SIM1: variants seen among roughly 807,000 people sequenced by gnomAD.
The protein encoded by SIM1 is single-minded homolog 1.
SIM1 carries 18 observed loss-of-function variants against 78.2 expected under a neutral mutation model. That is an observed-to-expected ratio of 0.23 (90% confidence interval 0.16 to 0.34). The LOEUF is 0.34. Ranked by LOEUF, SIM1 falls within the 10% of genes least tolerant of loss-of-function variation. The probability of loss-of-function intolerance (pLI) is 1.00; values close to 1 mark genes in which losing one functional copy is unlikely to be tolerated. For missense variants in SIM1, 939 were observed against 975.1 expected, an observed-to-expected ratio of 0.96 and a Z score of 0.49; for synonymous variants, 417 against 385.2, an observed-to-expected ratio of 1.08 and a Z score of -0.97.
intron 9 of SIM1, among the ~76,000 whole-genome samples, chr6:100,445,594 G>A (rs1772332076): frequency 6.6e-6 from 1 of 152,148 alleles, no homozygotes; most frequent in South Asian, 2.1e-4. Flanking sequence ...ATTTCAAAAT[G>A]ACTCCAAACA....
chr6:100,408,018 T>C (rs950389569), intron 10 of SIM1, among the ~76,000 whole-genome samples: 2 of 152,106 alleles, frequency 1.3e-5, no homozygotes, highest in African/African-American at 4.8e-5. Flanking sequence ...GCTTTTGTTG[T>C]CAGTGCTTTT....
chr6:100,401,453 T>C (rs2114475061), intron 10 of SIM1, among the ~76,000 whole-genome samples: 1 of 152,236 alleles, frequency 6.6e-6, no homozygotes, highest in Non-Finnish European at 1.5e-5. Flanking sequence ...AATATTCTGA[T>C]ATTGATAATT....
intron 10 of SIM1, among the ~76,000 whole-genome samples, chr6:100,405,964 C>T (rs1004130727): frequency 6.6e-6 from 1 of 152,152 alleles, no homozygotes. Context: ...CAATCCATCC[C>T]TTTTGTAAAT....
chr6:100,462,971 G>A (rs1260581182), intron 2 of SIM1: 1 of 235,768 alleles, frequency 4.2e-6, no homozygotes, highest in African/African-American at 2.2e-5. Flanking sequence ...GAGTAAAAAA[G>A]AAAGTCATGT....
Position 100,393,578 on chromosome 6 carries a change from G to A in SIM1, c.1479C>T (p.Arg493=), listed in dbSNP as rs928670652. The part of the protein sequence containing the change: ...QAGREPWWGS[R]AALPLTKASP... ...AGGCCTTTGTCAGGGGCAAGGCTGC[G>A]CGAGAGCCCCACCAGGGCTCCCTCC... The change falls in exon 11 of 12, where the codon CGC becomes CGT. Residue 493 remains arginine, a synonymous_variant. Transcript: ENST00000369208. The A allele has an allele frequency of 1.9e-6, 3 of 1,613,496 alleles. No homozygotes were observed. The highest frequency in any genetic ancestry group is 2.2e-5 in the East Asian group (1 of 44,856).
chr6:100,458,746 G>C (rs184067482), intron 2 of SIM1, among the ~76,000 whole-genome samples: 4 of 152,086 alleles, frequency 2.6e-5, no homozygotes, highest in East Asian at 3.9e-4. Context: ...GTCCCCTGTC[G>C]GCCCTGCGCC....
At chr6:100,453,272 C>T (rs1582321998) in intron 3 of SIM1, among the ~76,000 whole-genome samples, 1 of 152,178 alleles carries the variant, frequency 6.6e-6, no homozygotes, top group South Asian at 2.1e-4. Context: ...GAAGAGGGAG[C>T]CTGGGCACTA....
chr6:100,412,044 C>A (rs538873005), intron 10 of SIM1, among the ~76,000 whole-genome samples: 1 of 152,140 alleles, frequency 6.6e-6, no homozygotes, highest in East Asian at 1.9e-4. Context: ...CCTTGAGGAA[C>A]AGCTAGGGCA....
In SIM1 at chr6:100,408,693, A is replaced by G. The variant is rs145602803; in HGVS notation, c.1167+12097T>C. ...ATCACATGATTTTTATCCTTCATTC[A>G]GTTAATGTGGTATATAACATTTATT... is the stretch of plus-strand genomic sequence containing the variant. On this transcript the variant is annotated intron_variant, in intron 10 of 11. Transcript: ENST00000369208. Among the ~76,000 whole-genome samples the G allele has an allele frequency of 4.3e-3, 653 of 152,172 alleles. 8 individuals carry two copies. The highest frequency in any genetic ancestry group is 0.018 in the Admixed American group (272 of 15,266).
At chr6:100,405,964 C>A (rs1004130727) in intron 10 of SIM1, among the ~76,000 whole-genome samples, 1 of 152,152 alleles carries the variant, frequency 6.6e-6, no homozygotes, top group African/African-American at 2.4e-5. Context: ...CAATCCATCC[C>A]TTTTGTAAAT....
chr6:100,413,369 C>T (rs1204461630), intron 10 of SIM1, among the ~76,000 whole-genome samples: 5 of 152,180 alleles, frequency 3.3e-5, no homozygotes, highest in Non-Finnish European at 5.9e-5. Context: ...GCAACATCTC[C>T]TATCCTCATG....
At chr6:100,447,745 C>T (rs1772396220) in intron 8 of SIM1, among the ~76,000 whole-genome samples, 1 of 152,206 alleles carries the variant, frequency 6.6e-6, no homozygotes, top group Non-Finnish European at 1.5e-5. Flanking sequence ...TGAGCTCCGG[C>T]GCTCACGATC....
At chr6:100,412,603 GAA>G (rs1771236666) in intron 10 of SIM1, among the ~76,000 whole-genome samples, 5 of 91,854 alleles carry the variant, frequency 5.4e-5, no homozygotes, top group Non-Finnish European at 8.9e-5. Context: ...AAGAAAGAAA[GAA>G]AGAAAGGAAA....
intron 6 of SIM1, 78 bp downstream of exon 6, chr6:100,449,285 G>C: frequency 8.2e-7 from 1 of 1,225,732 alleles, no homozygotes; most frequent in Middle Eastern, 2.4e-4. Flanking sequence ...CAGAGGTAGG[G>C]ACATTCCTCC....
chr6:100,412,601 A>AAG (rs1491208041), intron 10 of SIM1, among the ~76,000 whole-genome samples: 2 of 110,598 alleles, frequency 1.8e-5, no homozygotes, highest in African/African-American at 6.1e-5. Flanking sequence ...GAAAGAAAGA[A>AAG]AGAAAGAAAG....
In SIM1 at chr6:100,387,855, A is replaced by G. The variant is rs958881409; in HGVS notation, c.*2506T>C. 2.6e-5 allele frequency: 4 copies of G among 152,132 alleles called. No homozygotes were observed. The highest frequency in any genetic ancestry group is 2.4e-5 in the African/African-American group (1 of 41,460). The allele number at this position is 152,132 out of a possible 1,614,324, so 9.4% of individuals were successfully genotyped here. ...CTTTAGTGACAGCCTTTTCTTTAAT[A>G]TCAGTTCATTTTCCCTGGTTCTTAA... On this transcript the variant is annotated 3_prime_UTR_variant, in exon 12 of 12. Transcript: ENST00000369208.
Position 100,412,608 on chromosome 6 carries a change from A to AAAGG in SIM1, c.1167+8178_1167+8181dup, listed in dbSNP as rs1250003185. On this transcript the variant is annotated intron_variant, in intron 10 of 11. Coordinates refer to ENST00000369208, the MANE Select transcript of SIM1 (RefSeq NM_005068.3). ...GAAAGAAAGAAAGAAAGAAAGAAAGAAAGGAAAGAAAGAAGGAAAGAAAGA... is the reference window on the plus strand; with the variant it reads ...GAAAGAAAGAAAGAAAGAAAGAAAGAAAGGAAGGAAAGAAAGAAGGAAAGAAAGA... Among the ~76,000 whole-genome samples the AAAGG allele has an allele frequency of 3.8e-4, 40 of 104,648 alleles. 4 individuals carry two copies. The highest frequency in any genetic ancestry group is 5.3e-4 in the Non-Finnish European group (27 of 50,698). The allele number at this position is 104,648 out of a possible 152,430, so 68.7% of individuals were successfully genotyped here.
intron 10 of SIM1, among the ~76,000 whole-genome samples, chr6:100,402,999 T>A (rs1770964035): frequency 6.6e-6 from 1 of 152,246 alleles, no homozygotes; most frequent in Non-Finnish European, 1.5e-5. Flanking sequence ...AGTTATTCCT[T>A]TATTTTCATT....
chr6:100,434,713 G>T, intron 9 of SIM1, among the ~76,000 whole-genome samples: 1 of 152,208 alleles, frequency 6.6e-6, no homozygotes, highest in East Asian at 1.9e-4. Context: ...GATGTAAAAA[G>T]TGGCAAGGGA....
Sources: gnomAD v4.1 joint callset for allele counts (sites outside exome capture counted in the v4.1 genomes callset) on GRCh38, gnomAD v4.1.1 for gene constraint, MANE v1.5 for transcripts, NCBI Gene and HGNC (gene_info 2026-07-23, HGNC 2026-07-21) for gene names.